IFT43: variants seen among roughly 807,000 people sequenced by gnomAD.
IFT43 encodes the protein intraflagellar transport 43.
A neutral mutation model predicts 32.3 loss-of-function variants in IFT43; 33 were observed. The ratio of observed to expected loss-of-function variants is 1.02; its 90% CI spans 0.77 to 1.37. The LOEUF (loss-of-function observed/expected upper bound fraction) is 1.37, where lower values mean the gene tolerates loss of function less well. Among genes scored for constraint, IFT43 ranks in the 40% most tolerant of loss-of-function variants. The probability of loss-of-function intolerance (pLI) is 0.00; values close to 1 mark genes in which losing one functional copy is unlikely to be tolerated. For synonymous variants in IFT43, 93 were observed against 98.2 expected (o/e 0.95, Z 0.31); for missense variants, 274 against 265.9 (o/e 1.03, Z -0.21).
chr14:76,039,466 T>C (rs2036665773), intron 3 of IFT43, among the ~76,000 whole-genome samples: 1 of 152,162 alleles, frequency 6.6e-6, no homozygotes, highest in Admixed American at 6.5e-5. Flanking sequence ...GGCCTGCCTT[T>C]TTGTGGAGTG....
chr14:75,992,639 G>C (rs749811085), intron 2 of IFT43, among the ~76,000 whole-genome samples: 3 of 152,056 alleles, frequency 2.0e-5, no homozygotes, highest in African/African-American at 4.8e-5. Flanking sequence ...TTGAACTCCC[G>C]GGCTCAAGCG....
intron 2 of IFT43, among the ~76,000 whole-genome samples, chr14:76,020,729 T>A (rs183902424): frequency 6.6e-6 from 1 of 152,160 alleles, no homozygotes; most frequent in Non-Finnish European, 1.5e-5. Flanking sequence ...AGTGGGCTGG[T>A]CCTTAGGCAC....
intron 2 of IFT43, among the ~76,000 whole-genome samples, chr14:76,010,188 C>T (rs1328735631): frequency 6.6e-6 from 1 of 152,174 alleles, no homozygotes; most frequent in Non-Finnish European, 1.5e-5. Context: ...CAGGGAGGCA[C>T]TTTTATCTAA....
intron 5 of IFT43, among the ~76,000 whole-genome samples, chr14:76,076,071 T>C (rs74066787): frequency 0.019 from 2,937 of 152,300 alleles, 91 homozygotes; most frequent in African/African-American, 0.067. Flanking sequence ...TGAACTTGGC[T>C]GTGTATGGTG....
chr14:76,073,893 A>G (rs760222030), intron 5 of IFT43, among the ~76,000 whole-genome samples: 7 of 152,054 alleles, frequency 4.6e-5, no homozygotes, highest in Non-Finnish European at 5.9e-5. Context: ...TAAGAGAGCG[A>G]GCAGCAGTAA....
At chr14:75,992,852 T>C (rs1330946759) in intron 2 of IFT43, among the ~76,000 whole-genome samples, 1 of 152,136 alleles carries the variant, frequency 6.6e-6, no homozygotes, top group African/African-American at 2.4e-5. Context: ...GGAGAAAAGT[T>C]TTTTTGCTTT....
chr14:76,032,721 T>C (rs2036530411), intron 3 of IFT43, among the ~76,000 whole-genome samples: 1 of 152,244 alleles, frequency 6.6e-6, no homozygotes, highest in Non-Finnish European at 1.5e-5. Context: ...ACGGTCACTT[T>C]ACTTTCGGTG....
chr14:76,025,211 T>G (rs926305638), intron 3 of IFT43, among the ~76,000 whole-genome samples: 8 of 152,318 alleles, frequency 5.3e-5, no homozygotes, highest in African/African-American at 1.9e-4. Context: ...GTTGTTGCCT[T>G]CAAAATGGCA....
chr14:76,044,072 CAG>C (rs2036758456), intron 3 of IFT43, among the ~76,000 whole-genome samples: 1 of 144,494 alleles, frequency 6.9e-6, no homozygotes, highest in Admixed American at 7.0e-5. Flanking sequence ...TTTTTTGAAA[CAG>C]AGTCTTACTC....
At chr14:76,053,275 TG>T (rs1249791940) in intron 3 of IFT43, among the ~76,000 whole-genome samples, 1 of 152,084 alleles carries the variant, frequency 6.6e-6, no homozygotes, top group Non-Finnish European at 1.5e-5. Flanking sequence ...GGCAGGTTTG[TG>T]GGGGAAGGGA....
At chr14:76,045,786 G>T (rs2140019270) in intron 3 of IFT43, among the ~76,000 whole-genome samples, 1 of 152,348 alleles carries the variant, frequency 6.6e-6, no homozygotes, top group East Asian at 1.9e-4. Context: ...GGAGGTGAGG[G>T]AGAAGAATGT....
At chr14:76,038,314 C>T (rs2036642299) in intron 3 of IFT43, among the ~76,000 whole-genome samples, 1 of 152,172 alleles carries the variant, frequency 6.6e-6, no homozygotes, top group East Asian at 1.9e-4. Flanking sequence ...TGGAGATGCT[C>T]GTGTGAACTC....
chr14:76,016,062 TCTG>T (rs2036181801), intron 2 of IFT43, among the ~76,000 whole-genome samples: 1 of 152,252 alleles, frequency 6.6e-6, no homozygotes, highest in South Asian at 2.1e-4. Flanking sequence ...TCTTGCATAT[TCTG>T]GATGCTCGTT....
At chr14:76,074,340 G>C (rs1304160806) in intron 5 of IFT43, among the ~76,000 whole-genome samples, 4 of 152,030 alleles carry the variant, frequency 2.6e-5, no homozygotes, top group Non-Finnish European at 5.9e-5. Context: ...ACCCCTCCTT[G>C]TCCTTAACAC....
chr14:76,023,119 G>T (rs1347530670), intron 3 of IFT43, among the ~76,000 whole-genome samples: 1 of 152,182 alleles, frequency 6.6e-6, no homozygotes, highest in Admixed American at 6.5e-5. Flanking sequence ...GTTCAGTGTG[G>T]GGCTGTAGAT....
Position 76,064,311 on chromosome 14 carries a change from C to T in IFT43, c.295+4938C>T, listed in dbSNP as rs545764342. ...ATGTCTTTTACCAGTGCTAAATTGT[C>T]ACCTCAGAGATTGGTGGCTGCTGGT... On this transcript the variant is annotated intron_variant, in intron 5 of 8. Transcript: ENST00000314067. 2.0e-5 allele frequency among the ~76,000 whole-genome samples: 3 copies of T among 152,336 alleles called. No individual in the cohort carries two copies. In the South Asian group the frequency reaches 6.2e-4, roughly 32 times the overall value.
At chr14:76,081,921 G>A (rs1355812456) in intron 5 of IFT43, among the ~76,000 whole-genome samples, 2 of 152,198 alleles carry the variant, frequency 1.3e-5, no homozygotes, top group Non-Finnish European at 2.9e-5. Flanking sequence ...AGGCTCACTT[G>A]TCAGTTCCTC....
chr14:76,040,654 T>G (rs896574817), intron 3 of IFT43, among the ~76,000 whole-genome samples: 1 of 152,240 alleles, frequency 6.6e-6, no homozygotes, highest in Non-Finnish European at 1.5e-5. Flanking sequence ...TGACTAAGCA[T>G]GAAATCTCTG....
chr14:76,031,568 A>C lies in IFT43; in HGVS notation c.215+9174A>C, dbSNP rs139335630. 4.5e-3 allele frequency among the ~76,000 whole-genome samples: 689 copies of C among 152,308 alleles called. 4 individuals carry two copies. Among genetic ancestry groups the C allele is most frequent in the African/African-American group, 0.015 (644 of 41,562 alleles). Reference sequence around the variant, plus strand: ...TGGAGGAGCTTTGTTTTCCTAAATTATTAGGGGATTTTAGTACTTGTCATA... The same window carrying C: ...TGGAGGAGCTTTGTTTTCCTAAATTCTTAGGGGATTTTAGTACTTGTCATA... On this transcript the variant is annotated intron_variant, in intron 3 of 8. Coordinates refer to ENST00000314067, the MANE Select transcript of IFT43 (RefSeq NM_001102564.3).
Sources: gnomAD v4.1 joint callset for allele counts (sites outside exome capture counted in the v4.1 genomes callset) on GRCh38, gnomAD v4.1.1 for gene constraint, MANE v1.5 for transcripts, NCBI Gene and HGNC (gene_info 2026-07-23, HGNC 2026-07-21) for gene names.